BCAS3: variants seen among roughly 807,000 people sequenced by gnomAD.
BCAS3 encodes BCAS3 microtubule associated cell migration factor, also known as BCAS4/BCAS3 fusion.
A neutral mutation model predicts 116.1 loss-of-function variants in BCAS3; 53 were observed. The ratio of observed to expected loss-of-function variants is 0.46; its 90% CI spans 0.37 to 0.57. BCAS3 has a LOEUF of 0.57. Among genes scored for constraint, BCAS3 ranks in the 20% least tolerant of loss-of-function variants. The pLI is 0.00. For missense variants in BCAS3, 917 were observed against 1,165.4 expected, an observed-to-expected ratio of 0.79 and a Z score of 3.10; for synonymous variants, 391 against 408.2, an observed-to-expected ratio of 0.96 and a Z score of 0.51.
In BCAS3 at chr17:61,017,423, TGTC is replaced by T. The variant is rs765593360; in HGVS notation, c.1637+1523_1637+1525del. On this transcript the variant is annotated intron_variant, in intron 16 of 23. Transcript: ENST00000407086. This position sits in a 1 kb window ranked among gnomAD's most constrained non-coding sequence, Gnocchi z 4.7. ...TCCAAAGTACTTACAAATTTTAGCC[TGTC>T]TTTTCTGAATCTAAGTGAAACCATC... Among the ~76,000 whole-genome samples, 5 of 152,190 alleles carry T rather than the reference TGTC, an allele frequency of 3.3e-5. No homozygotes were observed. The highest frequency in any genetic ancestry group is 7.4e-5 in the Non-Finnish European group (5 of 68,016).
At position 61,380,579 on chromosome 17, in the gene BCAS3, A is replaced by C. The variant is rs1335462005; in HGVS notation, c.2594-11398A>C. On this transcript the variant is annotated intron_variant, in intron 23 of 23. Coordinates refer to ENST00000407086, the MANE Select transcript of BCAS3 (RefSeq NM_017679.5). The surrounding 1 kb of genome is among the most constrained non-coding windows in gnomAD (Gnocchi z 4.2). ...TGGCAGTGAAGTGTTTTGGTATGTA[A>C]CGTCCTATCTTTGCCTATGTGGAAG... The C allele has an allele frequency of 6.3e-7, 1 of 1,597,016 alleles. No homozygotes were observed. The highest frequency in any genetic ancestry group is 1.3e-5 in the African/African-American group (1 of 74,890).
Position 61,352,900 on chromosome 17 carries a change from T to C in BCAS3, c.2426-15427T>C, listed in dbSNP as rs1156778311. 6.6e-6 allele frequency among the ~76,000 whole-genome samples: 1 copy of C among 152,122 alleles called. No homozygotes were observed. Among genetic ancestry groups the C allele is most frequent in the Non-Finnish European group, 1.5e-5 (1 of 68,022 alleles). Reference sequence around the variant, plus strand: ...GCTCCTAGGCTGCTAGCGGGAGGTATGAATTTCTCTTGTTTGCTTTAATGG... The same window carrying C: ...GCTCCTAGGCTGCTAGCGGGAGGTACGAATTTCTCTTGTTTGCTTTAATGG... On this transcript the variant is annotated intron_variant, in intron 22 of 23. Transcript: ENST00000407086. This position sits in a 1 kb window ranked among gnomAD's most constrained non-coding sequence, Gnocchi z 4.7.
At chr17:61,038,370 A>G (rs975053205) in intron 18 of BCAS3, among the ~76,000 whole-genome samples, 2 of 147,062 alleles carry the variant, frequency 1.4e-5, no homozygotes, top group Non-Finnish European at 3.0e-5. Flanking sequence ...CTCCTGCCTC[A>G]GCCACTTGAG....
intron 7 of BCAS3, among the ~76,000 whole-genome samples, chr17:60,867,304 C>G (rs527883153): frequency 5.9e-5 from 9 of 151,986 alleles, no homozygotes; most frequent in Non-Finnish European, 2.9e-5. Flanking sequence ...TGGGGTGTCG[C>G]TGTGTTGGCC....
At chr17:61,158,066 G>A (rs906383007) in intron 22 of BCAS3, among the ~76,000 whole-genome samples, 14 of 151,996 alleles carry the variant, frequency 9.2e-5, no homozygotes, top group African/African-American at 3.4e-4. Flanking sequence ...TATGAGACCT[G>A]TTAAACCTGC....
chr17:60,899,690 G>A (rs2057751180), intron 10 of BCAS3, among the ~76,000 whole-genome samples: 1 of 152,002 alleles, frequency 6.6e-6, no homozygotes, highest in Non-Finnish European at 1.5e-5. Flanking sequence ...TAGAGACAGG[G>A]TTTCACCATG....
rs76847723 is a variant in BCAS3 at position 60,988,166 on chromosome 17, T to C, written c.1222-1805T>C. Among the ~76,000 whole-genome samples, 582 of 148,610 alleles carry C rather than the reference T, an allele frequency of 3.9e-3. 11 individuals carry two copies. The East Asian group carries it at 0.076, about 19-fold the overall frequency. On this transcript the variant is annotated intron_variant, in intron 14 of 23. Transcript: ENST00000407086. ...TTATACTGTCCTTGCATACCTGGGA[T>C]AAATTCCACTTGGTTGTGATTTTTT...
At chr17:60,890,337 C>T (rs191672939) in intron 10 of BCAS3, among the ~76,000 whole-genome samples, 1 of 152,130 alleles carries the variant, frequency 6.6e-6, no homozygotes, top group African/African-American at 2.4e-5. Flanking sequence ...GCCTGTAATC[C>T]CAGCTACTCA....
chr17:60,822,020 G>C (rs1186024008), intron 7 of BCAS3, among the ~76,000 whole-genome samples: 4 of 152,134 alleles, frequency 2.6e-5, no homozygotes, highest in Non-Finnish European at 5.9e-5. Context: ...TCTGTTGATG[G>C]ATATTTTGGT....
chr17:60,757,119 C>T (rs2043059413), intron 6 of BCAS3, among the ~76,000 whole-genome samples: 1 of 151,844 alleles, frequency 6.6e-6, no homozygotes, highest in South Asian at 2.1e-4. Context: ...GCCGAGATCG[C>T]ACCACTGCAC....
At position 61,388,987 on chromosome 17, in the gene BCAS3, T is replaced by A; in HGVS notation, c.2594-2990T>A. Reference sequence around the variant, plus strand: ...ATTCATTCATTCATTCATTCATTCATTCATTCATTCATTCATGCTAGAAAT... The same window carrying A: ...ATTCATTCATTCATTCATTCATTCAATCATTCATTCATTCATGCTAGAAAT... On this transcript the variant is annotated intron_variant, in intron 23 of 23. Transcript: ENST00000407086. This position sits in a 1 kb window ranked among gnomAD's most constrained non-coding sequence, Gnocchi z 6.5. The A allele has an allele frequency of 2.4e-6, 1 of 408,350 alleles. No individual in the cohort carries two copies. Among genetic ancestry groups the A allele is most frequent in the African/African-American group, 2.1e-5 (1 of 48,624 alleles). The allele number at this position is 408,350 out of a possible 1,614,324, so 25.3% of individuals were successfully genotyped here.
At chr17:60,899,806 T>A (rs956704599) in intron 10 of BCAS3, 1 of 152,160 alleles carries the variant, frequency 6.6e-6, no homozygotes, top group African/African-American at 2.4e-5. Context: ...CCTGATTTTT[T>A]TTTTTTTAAC....
chr17:61,050,403 G>A (rs920286212), intron 19 of BCAS3, among the ~76,000 whole-genome samples: 3 of 151,748 alleles, frequency 2.0e-5, no homozygotes, highest in South Asian at 2.1e-4. Context: ...GTGTACCTAC[G>A]CATGTGTGTA....
chr17:61,290,956 AT>A (rs2052338495), intron 22 of BCAS3, among the ~76,000 whole-genome samples: 1 of 151,928 alleles, frequency 6.6e-6, no homozygotes, highest in Admixed American at 6.6e-5. Flanking sequence ...AATTTTTTGT[AT>A]TTTTAGTAGA....
intron 22 of BCAS3, among the ~76,000 whole-genome samples, chr17:61,114,048 C>G (rs2075268544): frequency 6.6e-6 from 1 of 151,670 alleles, no homozygotes; most frequent in Admixed American, 6.6e-5. Context: ...ACCCTTCATG[C>G]TAAAAACTCT....
chr17:61,242,963 G>A (rs2047648216), intron 22 of BCAS3, among the ~76,000 whole-genome samples: 1 of 151,394 alleles, frequency 6.6e-6, no homozygotes, highest in South Asian at 2.1e-4. Context: ...CCAGGTTGGA[G>A]TGCAATGGTG....
In BCAS3 at chr17:61,156,302, T is replaced by G. The variant is rs1005131195; in HGVS notation, c.2425+71738T>G. 2.0e-5 allele frequency among the ~76,000 whole-genome samples: 3 copies of G among 152,154 alleles called. No homozygotes were observed. Among genetic ancestry groups the G allele is most frequent in the Non-Finnish European group, 4.4e-5 (3 of 68,026 alleles). ...ATTGAGCCTGGTAAAATTCCTTAGG[T>G]CTAAAACTGGAATCTCAGGCACCTT... is the stretch of plus-strand genomic sequence containing the variant. On this transcript the variant is annotated intron_variant, in intron 22 of 23. Coordinates refer to ENST00000407086, the MANE Select transcript of BCAS3 (RefSeq NM_017679.5). The surrounding 1 kb of genome is among the most constrained non-coding windows in gnomAD (Gnocchi z 4.7).
In BCAS3 at chr17:61,265,249, G is replaced by C. The variant is rs1387836994; in HGVS notation, c.2426-103078G>C. On this transcript the variant is annotated intron_variant, in intron 22 of 23. Coordinates refer to ENST00000407086, the MANE Select transcript of BCAS3 (RefSeq NM_017679.5). This position sits in a 1 kb window ranked among gnomAD's most constrained non-coding sequence, Gnocchi z 4.3. Reference sequence around the variant, plus strand: ...ACCAACATGGAGAAACCCTGTCTCTGCTAAAAATACAAAATTAGCCGGCAT... The same window carrying C: ...ACCAACATGGAGAAACCCTGTCTCTCCTAAAAATACAAAATTAGCCGGCAT... 6.6e-6 allele frequency among the ~76,000 whole-genome samples: 1 copy of C among 151,926 alleles called. No individual in the cohort carries two copies. The highest frequency in any genetic ancestry group is 1.9e-4 in the East Asian group (1 of 5,168).
At chr17:60,773,575 G>A (rs765770290) in intron 6 of BCAS3, among the ~76,000 whole-genome samples, 46 of 152,070 alleles carry the variant, frequency 3.0e-4, no homozygotes, top group Non-Finnish European at 6.2e-4. Context: ...TTATAGGCAT[G>A]AGCCACCACA....
Sources: gnomAD v4.1 joint callset for allele counts (sites outside exome capture counted in the v4.1 genomes callset) on GRCh38, gnomAD v4.1.1 for gene constraint, Gnocchi (gnomAD v3.1) non-coding constraint, MANE v1.5 for transcripts, NCBI Gene and HGNC (gene_info 2026-07-23, HGNC 2026-07-21) for gene names.